Variants in SMAD4 observed in about 807,000 individuals in gnomAD.
SMAD4 encodes the protein SMAD family member 4, also known as MAD homolog 4.
Under a neutral mutation model 63.2 loss-of-function variants are expected in SMAD4, and 7 were observed. The observed-to-expected ratio is 0.11, with a 90% CI of 0.06 to 0.21. The LOEUF is 0.21. SMAD4 is among the 10% of genes least tolerant of loss of function. The pLI is 1.00. For synonymous variants in SMAD4, 215 were observed against 235.4 expected (o/e 0.91, Z 0.79); for missense variants, 312 against 693.8 (o/e 0.45, Z 6.18).
At chr18:51,052,689 G>A (rs964707383) in intron 4 of SMAD4, 2 of 270,024 alleles carry the variant, frequency 7.4e-6, no homozygotes, top group Admixed American at 4.6e-5. Context: ...GTGAAAAGAA[G>A]TGCTCCCACC....
chr18:51,039,511 C>G (rs983612606), intron 1 of SMAD4, among the ~76,000 whole-genome samples: 1 of 135,676 alleles, frequency 7.4e-6, no homozygotes, highest in Admixed American at 7.4e-5. Flanking sequence ...CCCCACCCCC[C>G]GTAGTTCCAT....
rs1555685629 is a variant in SMAD4 at position 51,054,805 on chromosome 18, A to G, written c.479A>G (p.Asp160Gly). The change falls in exon 5 of 12, where the codon GAT (aspartate) becomes GGT (glycine). Residue 160 changes from aspartate (D) to glycine (G), a missense_variant. Transcript: ENST00000342988. ...SNAPSSMMVKDEYVHDFEGQP... is the reference protein window; with the variant it reads ...SNAPSSMMVKGEYVHDFEGQP... ...GCTCCATCAAGTATGATGGTGAAGG[A>G]TGAATATGTGCATGACTTTGAGGGA... 6.2e-7 allele frequency: 1 copy of G among 1,613,308 alleles called. No individual in the cohort carries two copies. The highest frequency in any genetic ancestry group is 8.5e-7 in the Non-Finnish European group (1 of 1,179,222).
At chr18:51,063,501 C>A (rs532101110) in intron 8 of SMAD4, among the ~76,000 whole-genome samples, 1 of 152,136 alleles carries the variant, frequency 6.6e-6, no homozygotes, top group Non-Finnish European at 1.5e-5. Context: ...CAGCCCTGAC[C>A]TCCCAGACTT....
chr18:51,084,453 T>C lies in SMAD4; in HGVS notation c.*5986T>C, dbSNP rs926196409. 2 of 227,698 alleles carry C rather than the reference T, an allele frequency of 8.8e-6. No individual in the cohort carries two copies. The highest frequency in any genetic ancestry group is 4.5e-5 in the African/African-American group (2 of 44,906). 14.1% of individuals were successfully genotyped at this position (227,698 alleles called of 1,614,324 possible). On this transcript the variant is annotated 3_prime_UTR_variant, in exon 12 of 12. Coordinates refer to ENST00000342988, the MANE Select transcript of SMAD4 (RefSeq NM_005359.6). The stretch of plus-strand genomic sequence containing the variant: ...CTAGCCTACCCTTGGATGAGTACAA[T>C]TAATGAAATTCATATTTTCAAGGAC...
chr18:51,067,227 T>C (rs1910188798), intron 10 of SMAD4, 40 bp downstream of exon 10: 1 of 1,155,172 alleles, frequency 8.7e-7, no homozygotes, highest in Non-Finnish European at 1.3e-6. Flanking sequence ...GACTTAAAGC[T>C]CTATTTGTTG....
chr18:51,062,469 CT>C (rs943088719), intron 8 of SMAD4, among the ~76,000 whole-genome samples: 16 of 150,888 alleles, frequency 1.1e-4, no homozygotes, highest in Admixed American at 2.6e-4. Context: ...ATGGATATCA[CT>C]TTTTTTTTGC....
chr18:51,058,080 T>A, intron 5 of SMAD4, 45 bp from the exon 6 acceptor site: 1 of 1,608,482 alleles, frequency 6.2e-7, no homozygotes, highest in Non-Finnish European at 8.5e-7. Flanking sequence ...AATCATAAGA[T>A]GACATCTATG....
intron 8 of SMAD4, among the ~76,000 whole-genome samples, chr18:51,061,117 G>A (rs553306406): frequency 3.3e-5 from 5 of 151,812 alleles, no homozygotes; most frequent in African/African-American, 1.2e-4. Flanking sequence ...TATATTTATG[G>A]GGCACATGAG....
intron 1 of SMAD4, among the ~76,000 whole-genome samples, chr18:51,041,407 T>A (rs1399442428): frequency 1.3e-5 from 2 of 152,230 alleles, no homozygotes; most frequent in African/African-American, 4.8e-5. Context: ...ACCTTGAAAT[T>A]AGGCATGGCC....
chr18:51,046,894 G>A (rs1331677208), intron 1 of SMAD4, 26 bp from the exon 2 acceptor site: 5 of 654,200 alleles, frequency 7.6e-6, no homozygotes, highest in African/African-American at 1.8e-5. Flanking sequence ...GTTCTGATGT[G>A]TGTCTTTTTT....
intron 7 of SMAD4, among the ~76,000 whole-genome samples, chr18:51,059,509 G>T (rs1283041056): frequency 1.3e-5 from 2 of 152,134 alleles, no homozygotes; most frequent in African/African-American, 4.8e-5. Flanking sequence ...CTTGTTTTTA[G>T]AATAGACCTA....
chr18:51,058,251 A>G lies in SMAD4; in HGVS notation c.787+7A>G, dbSNP rs779803439. On this transcript the variant is annotated splice_region_variant and intron_variant, in intron 6 of 11. Coordinates refer to ENST00000342988, the MANE Select transcript of SMAD4 (RefSeq NM_005359.6). ...CCAGCTACTTACCATCATAGTATGTACATACTTTAAAAAATCTTTTAAATA... is the reference window on the plus strand; with the variant it reads ...CCAGCTACTTACCATCATAGTATGTGCATACTTTAAAAAATCTTTTAAATA... The G allele has an allele frequency of 3.1e-6, 5 of 1,611,128 alleles. No individual in the cohort carries two copies. Among genetic ancestry groups the G allele is most frequent in the Non-Finnish European group, 4.2e-6 (5 of 1,178,172 alleles).
At chr18:51,061,804 G>A (rs371289747) in intron 8 of SMAD4, among the ~76,000 whole-genome samples, 28 of 152,188 alleles carry the variant, frequency 1.8e-4, no homozygotes, top group African/African-American at 5.8e-4. Context: ...CGCCCATAAT[G>A]ATTAATTCAA....
rs545081111 is a variant in SMAD4 at position 51,070,584 on chromosome 18, T to G, written c.1308+3397T>G. On this transcript the variant is annotated intron_variant, in intron 10 of 11. Transcript: ENST00000342988. ...AGTACAACCCCATCCACAATTTCACTTTCCATGGCTTCAGGTATCCATGGT... is the reference window on the plus strand; with the variant it reads ...AGTACAACCCCATCCACAATTTCACGTTCCATGGCTTCAGGTATCCATGGT... Among the ~76,000 whole-genome samples, 3 of 152,314 alleles carry G rather than the reference T, an allele frequency of 2.0e-5. No homozygotes were observed. The East Asian group carries it at 5.8e-4, about 29-fold the overall frequency.
chr18:51,069,726 C>T (rs1048232746), intron 10 of SMAD4, among the ~76,000 whole-genome samples: 4 of 152,174 alleles, frequency 2.6e-5, no homozygotes, highest in Non-Finnish European at 4.4e-5. Flanking sequence ...CTGCCGTGGG[C>T]AAATATTTTA....
At chr18:51,070,834 T>G (rs796844450) in intron 10 of SMAD4, among the ~76,000 whole-genome samples, 9 of 152,308 alleles carry the variant, frequency 5.9e-5, no homozygotes, top group African/African-American at 1.9e-4. Flanking sequence ...TGTCATCCAG[T>G]AACCTTTATT....
rs1030295979 is a variant in SMAD4, at chr18:51,034,349, C to T, written c.-128+3726C>T. 7.2e-5 allele frequency among the ~76,000 whole-genome samples: 11 copies of T among 151,900 alleles called. No homozygotes were observed. In the East Asian group the frequency reaches 7.7e-4, roughly 11 times the overall value. ...GCAACCTCCACTTGCTGGGTTCAAGCGATTCCCCTGCCTCAGCCTCCCGAG... is the reference window on the plus strand; with the variant it reads ...GCAACCTCCACTTGCTGGGTTCAAGTGATTCCCCTGCCTCAGCCTCCCGAG... On this transcript the variant is annotated intron_variant, in intron 1 of 11. Coordinates refer to ENST00000342988, the MANE Select transcript of SMAD4 (RefSeq NM_005359.6).
chr18:51,075,341 T>C (rs1433049476), intron 10 of SMAD4, among the ~76,000 whole-genome samples: 1 of 152,240 alleles, frequency 6.6e-6, no homozygotes, highest in African/African-American at 2.4e-5. Context: ...TAAAAAATTA[T>C]GCATTCTCAG....
chr18:51,077,779 T>C (rs1289648668), intron 11 of SMAD4, among the ~76,000 whole-genome samples: 5 of 152,216 alleles, frequency 3.3e-5, no homozygotes, highest in Admixed American at 3.3e-4. Context: ...ATTACTCTGT[T>C]ACACTTTGAA....
Sources: allele counts gnomAD v4.1 joint callset (sites outside exome capture counted in the v4.1 genomes callset), GRCh38; gene constraint gnomAD v4.1.1; transcripts MANE v1.5; gene names NCBI Gene and HGNC (gene_info 2026-07-23, HGNC 2026-07-21).